MAP4: variants seen among roughly 807,000 people sequenced by gnomAD.
MAP4 encodes the protein microtubule associated protein 4, also known as microtubule-associated protein 4.
Under a neutral mutation model 170.2 loss-of-function variants are expected in MAP4, and 76 were observed. That is an observed-to-expected ratio of 0.45 (90% CI 0.37 to 0.54). MAP4 has a LOEUF of 0.54. Among genes scored for constraint, MAP4 ranks in the 20% least tolerant of loss-of-function variants. The pLI, the probability that MAP4 is intolerant of heterozygous loss-of-function variation, is 0.00. For synonymous variants in MAP4, 909 were observed against 994.5 expected (o/e 0.91, Z 1.62); for missense variants, 2,506 against 2,748.0 (o/e 0.91, Z 1.97).
intron 1 of MAP4, among the ~76,000 whole-genome samples, chr3:48,066,953 G>A (rs760841205): frequency 3.6e-5 from 5 of 140,490 alleles, no homozygotes; most frequent in Non-Finnish European, 7.6e-5. Flanking sequence ...CCATTCTCCT[G>A]CCTCAGCCTC....
At chr3:48,026,686 A>G (rs1449094450) in intron 1 of MAP4, among the ~76,000 whole-genome samples, 1 of 152,184 alleles carries the variant, frequency 6.6e-6, no homozygotes, top group African/African-American at 2.4e-5. Context: ...GAAGTTTCTC[A>G]GATTTCATTT....
At chr3:47,985,063 T>C (rs1038603621) in intron 2 of MAP4, among the ~76,000 whole-genome samples, 1 of 152,128 alleles carries the variant, frequency 6.6e-6, no homozygotes, top group South Asian at 2.1e-4. Flanking sequence ...GTGAATCACC[T>C]GAGGTCAGGA....
chr3:47,885,655 G>T (rs2097460688), intron 10 of MAP4, among the ~76,000 whole-genome samples: 1 of 151,586 alleles, frequency 6.6e-6, no homozygotes, highest in South Asian at 2.1e-4. Context: ...CAAAAACTGA[G>T]TATTTTTCTA....
At chr3:47,865,601 T>G (rs1180442150) in intron 17 of MAP4, among the ~76,000 whole-genome samples, 3 of 152,102 alleles carry the variant, frequency 2.0e-5, no homozygotes, top group Non-Finnish European at 4.4e-5. Context: ...ATGGGCAGGA[T>G]GTCATGATCA....
chr3:47,954,771 T>G (rs1432213505), intron 3 of MAP4, among the ~76,000 whole-genome samples: 1 of 152,172 alleles, frequency 6.6e-6, no homozygotes, highest in Non-Finnish European at 1.5e-5. Context: ...ATAGATGAAA[T>G]GCTTAGCTCA....
intron 1 of MAP4, among the ~76,000 whole-genome samples, chr3:48,069,307 TTCTGAAGGTCACCCATCCCAG>T (rs373417837): frequency 1.6e-4 from 24 of 152,322 alleles, no homozygotes; most frequent in African/African-American, 5.5e-4. Flanking sequence ...CTTACTAGCA[TTCTGAAGGTCACCCATCCCAG>T]TCACGAAGCC....
chr3:47,853,645 C>T (rs1310489035), intron 19 of MAP4, among the ~76,000 whole-genome samples: 1 of 152,216 alleles, frequency 6.6e-6, no homozygotes, highest in Non-Finnish European at 1.5e-5. Context: ...AGGTGCCAGG[C>T]CTCAGGCTGG....
intron 3 of MAP4, among the ~76,000 whole-genome samples, chr3:47,964,325 A>G (rs1230139385): frequency 6.6e-6 from 1 of 152,204 alleles, no homozygotes. Context: ...TCAGGGAGAG[A>G]GCAGTGGAGG....
chr3:47,877,743 AGCAGTCTAAGGGACACAT>A, intron 10 of MAP4: 3 of 401,574 alleles, frequency 7.5e-6, no homozygotes, highest in Non-Finnish European at 1.3e-5. Context: ...CCTGTGGAGA[AGCAGTCTAAGGGACACAT>A]GCACAAATGA....
At chr3:48,002,979 A>AATTAATT (rs1559772693) in intron 1 of MAP4, among the ~76,000 whole-genome samples, 59 of 150,934 alleles carry the variant, frequency 3.9e-4, no homozygotes, top group African/African-American at 1.4e-3. Flanking sequence ...ATAAATAAAT[A>AATTAATT]AATAAATAAA....
chr3:47,932,884 C>T (rs1038482313), intron 3 of MAP4, among the ~76,000 whole-genome samples: 5 of 152,050 alleles, frequency 3.3e-5, no homozygotes, highest in African/African-American at 7.2e-5. Context: ...CACAGGTGTA[C>T]ACCACCATGC....
At position 47,909,499 on chromosome 3, in the gene MAP4, GC is replaced by G; in HGVS notation, c.4921del (p.Ala1641LeufsTer12). 1 of 1,613,582 alleles carries G rather than the reference GC, an allele frequency of 6.2e-7. No homozygotes were observed. The highest frequency in any genetic ancestry group is 2.2e-5 in the East Asian group (1 of 44,886). ...QKLSFCEDQN[A>X]QDRNSKGSDS... is the part of the protein sequence containing the mutation. ...TGAACCTTTGGAATTTCTATCTTGA[GC>G]ATTTTGGTCCTCACAAAAACTGAGC... On this transcript the variant is annotated frameshift_variant, in exon 9 of 21. Transcript: ENST00000683076. LOFTEE classifies it high-confidence loss of function.
chr3:48,044,402 G>A (rs1318175541), intron 1 of MAP4, among the ~76,000 whole-genome samples: 7 of 148,970 alleles, frequency 4.7e-5, no homozygotes, highest in Non-Finnish European at 8.9e-5. Context: ...TGATCCACCC[G>A]CATCAGCCTC....
intron 7 of MAP4, among the ~76,000 whole-genome samples, chr3:47,915,162 G>A (rs1365044003): frequency 1.3e-5 from 2 of 151,544 alleles, no homozygotes; most frequent in Non-Finnish European, 2.9e-5. Flanking sequence ...TGTTGCTCAG[G>A]CTGGAGTGCA....
Position 47,860,992 on chromosome 3 carries a change from C to T in MAP4, c.6502-3480G>A, listed in dbSNP as rs574177905. Among the ~76,000 whole-genome samples the T allele has an allele frequency of 3.7e-4, 56 of 151,970 alleles. 1 individual carries two copies. Among genetic ancestry groups the T allele is most frequent in the South Asian group, 1.5e-3 (7 of 4,812 alleles). ...AATCCCAGCACTTTGGGAGGGCTGA[C>T]GCGGGTGGATCATTTGAGGTCAGGA... On this transcript the variant is annotated intron_variant, in intron 17 of 20. Coordinates refer to ENST00000683076, the MANE Select transcript of MAP4 (RefSeq NM_001385682.1).
At chr3:47,904,924 C>A (rs999402100) in intron 9 of MAP4, among the ~76,000 whole-genome samples, 1 of 152,202 alleles carries the variant, frequency 6.6e-6, no homozygotes, top group Non-Finnish European at 1.5e-5. Flanking sequence ...CCTACCTCAG[C>A]CTCCCAAAGT....
chr3:47,923,279 T>C (rs1215319239), intron 4 of MAP4, among the ~76,000 whole-genome samples: 1 of 151,728 alleles, frequency 6.6e-6, no homozygotes, highest in Non-Finnish European at 1.5e-5. Context: ...GCCCAGGCCT[T>C]GAGAGAATGT....
At chr3:47,939,630 C>T (rs779685736) in intron 3 of MAP4, among the ~76,000 whole-genome samples, 12 of 151,222 alleles carry the variant, frequency 7.9e-5, no homozygotes, top group Non-Finnish European at 1.6e-4. Flanking sequence ...AAACAATAGC[C>T]TATCATTTCT....
intron 2 of MAP4, among the ~76,000 whole-genome samples, chr3:47,992,511 G>A (rs1360539139): frequency 2.6e-5 from 4 of 151,908 alleles, no homozygotes; most frequent in Non-Finnish European, 5.9e-5. Flanking sequence ...CTGCAGCCTC[G>A]ACCTCTGGGG....
Sources: gnomAD v4.1 joint callset for allele counts (sites outside exome capture counted in the v4.1 genomes callset) on GRCh38, gnomAD v4.1.1 for gene constraint, MANE v1.5 for transcripts, NCBI Gene and HGNC (gene_info 2026-07-23, HGNC 2026-07-21) for gene names.